Variants in EPB41L3 observed in about 807,000 individuals in gnomAD.
EPB41L3 encodes band 4.1-like protein 3.
In EPB41L3, 57 loss-of-function variants were observed where a neutral mutation model predicts 127.1. The ratio of observed to expected loss-of-function variants is 0.45; its 90% CI spans 0.36 to 0.56. EPB41L3 has a LOEUF of 0.56. Among genes scored for constraint, EPB41L3 ranks in the 20% least tolerant of loss-of-function variants. EPB41L3 has a pLI of 0.00. For missense variants in EPB41L3, 1,273 were observed against 1,372.2 expected (o/e 0.93, Z 1.14); for synonymous variants, 572 against 549.5 (o/e 1.04, Z -0.57).
At chr18:5,425,544 G>A (rs1441735161) in intron 9 of EPB41L3, among the ~76,000 whole-genome samples, 1 of 152,172 alleles carries the variant, frequency 6.6e-6, no homozygotes, top group Non-Finnish European at 1.5e-5. Flanking sequence ...AAGCTGGGAA[G>A]AGTCTCTGCC....
chr18:5,538,302 C>G (rs1179230076), intron 1 of EPB41L3, among the ~76,000 whole-genome samples: 1 of 152,196 alleles, frequency 6.6e-6, no homozygotes, highest in Non-Finnish European at 1.5e-5. Context: ...AAATGTATCA[C>G]TTAAGAGTGC....
intron 1 of EPB41L3, among the ~76,000 whole-genome samples, chr18:5,510,361 T>A (rs2092448854): frequency 6.6e-6 from 1 of 152,122 alleles, no homozygotes; most frequent in Non-Finnish European, 1.5e-5. Flanking sequence ...CAGCTGTAGA[T>A]CCCCAATCTG....
At chr18:5,484,352 A>T (rs1435604564) in intron 2 of EPB41L3, among the ~76,000 whole-genome samples, 2 of 151,722 alleles carry the variant, frequency 1.3e-5, no homozygotes, top group Non-Finnish European at 2.9e-5. Context: ...AGCAGTACTA[A>T]GAGGGAAGTG....
chr18:5,522,322 C>T (rs1048930811), intron 1 of EPB41L3, among the ~76,000 whole-genome samples: 1 of 152,008 alleles, frequency 6.6e-6, no homozygotes, highest in Non-Finnish European at 1.5e-5. Flanking sequence ...TGGAGTTTCA[C>T]CATGCTGGCC....
intron 6 of EPB41L3, among the ~76,000 whole-genome samples, chr18:5,436,477 C>T (rs1235791718): frequency 8.6e-5 from 12 of 139,698 alleles, no homozygotes; most frequent in Middle Eastern, 4.2e-3. Flanking sequence ...GGCGCGATCT[C>T]GGCTCACTGC....
intron 13 of EPB41L3, among the ~76,000 whole-genome samples, chr18:5,415,073 C>G (rs555286489): frequency 2.6e-5 from 4 of 152,338 alleles, no homozygotes; most frequent in East Asian, 1.9e-4. Context: ...ATTGGCATTG[C>G]TAGCATGGTG....
At chr18:5,628,720 C>G (rs538932559) in intron 1 of EPB41L3, among the ~76,000 whole-genome samples, 356 of 152,200 alleles carry the variant, frequency 2.3e-3, no homozygotes, top group African/African-American at 8.3e-3. Context: ...AGGGGGCGGC[C>G]GAACGCGCCG....
At chr18:5,420,560 C>A (rs9962454) in intron 11 of EPB41L3, among the ~76,000 whole-genome samples, 7,291 of 152,224 alleles carry the variant, frequency 0.048, 270 homozygotes, top group African/African-American at 0.1. Flanking sequence ...CCATAATATG[C>A]ATATACATTT....
intron 1 of EPB41L3, among the ~76,000 whole-genome samples, chr18:5,500,857 C>T (rs889545734): frequency 6.6e-6 from 1 of 152,150 alleles, no homozygotes; most frequent in Non-Finnish European, 1.5e-5. Context: ...AGGAGCTGCC[C>T]TGGACATTTT....
chr18:5,493,399 C>T (rs2090820263), intron 1 of EPB41L3, among the ~76,000 whole-genome samples: 1 of 152,092 alleles, frequency 6.6e-6, no homozygotes, highest in South Asian at 2.1e-4. Context: ...TTAACATCAA[C>T]CTTTTTTTCT....
intron 3 of EPB41L3, among the ~76,000 whole-genome samples, chr18:5,556,262 C>T (rs575411866): frequency 1.3e-5 from 2 of 151,384 alleles, no homozygotes; most frequent in Admixed American, 6.5e-5. Context: ...AACAAAAAGA[C>T]AGAAAATCAA....
At chr18:5,570,455 G>T (rs1439454250) in intron 3 of EPB41L3, among the ~76,000 whole-genome samples, 3 of 152,106 alleles carry the variant, frequency 2.0e-5, no homozygotes, top group Non-Finnish European at 4.4e-5. Context: ...AACTAGGCTT[G>T]CAATGGCTGT....
At chr18:5,587,433 C>T (rs1404061783) in intron 3 of EPB41L3, among the ~76,000 whole-genome samples, 2 of 152,098 alleles carry the variant, frequency 1.3e-5, no homozygotes, top group Non-Finnish European at 2.9e-5. Context: ...CTCTTAATCT[C>T]TTACTGTGCC....
chr18:5,465,972 C>CAAA (rs11448406), intron 3 of EPB41L3, among the ~76,000 whole-genome samples: 2 of 140,502 alleles, frequency 1.4e-5, no homozygotes, highest in East Asian at 2.1e-4. Flanking sequence ...CCACCACCAA[C>CAAA]AAAAAAAAAA....
rs757498546 is a variant in EPB41L3, at chr18:5,397,115, C to T, written c.2784G>A (p.Glu928=). The change falls in exon 18 of 23, where the codon GAG becomes GAA. Residue 928 remains glutamate, a synonymous_variant. Transcript: ENST00000341928. This position sits in a 1 kb window ranked among gnomAD's most constrained non-coding sequence, Gnocchi z 4.1. The stretch of plus-strand genomic sequence containing the variant: ...AAATGTGGATGGCTGCACTCTGCTC[C>T]TCTTGTCGCTCACGGGAAGCAGCGG... The part of the protein sequence containing the change: ...ETAAASRERQ[E]EQSAAIHISE... 1.9e-6 allele frequency: 3 copies of T among 1,614,070 alleles called. No individual in the cohort carries two copies. In the Admixed American group the frequency reaches 5.0e-5, roughly 27 times the overall value.
At chr18:5,420,232 C>T (rs1225543983) in intron 11 of EPB41L3, 3 of 328,672 alleles carry the variant, frequency 9.1e-6, no homozygotes, top group South Asian at 3.2e-5. Flanking sequence ...GCGAGGCTGC[C>T]GCTGGGCATA....
intron 3 of EPB41L3, among the ~76,000 whole-genome samples, chr18:5,554,604 T>C (rs929965701): frequency 6.6e-6 from 1 of 152,178 alleles, no homozygotes; most frequent in Non-Finnish European, 1.5e-5. Context: ...CATTCCTTAC[T>C]CCTGAGCCAA....
At chr18:5,562,014 G>A (rs1018622837) in intron 3 of EPB41L3, among the ~76,000 whole-genome samples, 8 of 152,162 alleles carry the variant, frequency 5.3e-5, no homozygotes, top group African/African-American at 1.2e-4. Flanking sequence ...CTGAAGAACC[G>A]CCATGGATGG....
chr18:5,515,043 A>C (rs1165782339), intron 1 of EPB41L3, among the ~76,000 whole-genome samples: 2 of 152,226 alleles, frequency 1.3e-5, no homozygotes, highest in African/African-American at 4.8e-5. Context: ...TACTAACAGT[A>C]AGTGGGGTGC....
Sources: gnomAD v4.1 joint callset for allele counts (sites outside exome capture counted in the v4.1 genomes callset) on GRCh38, gnomAD v4.1.1 for gene constraint, Gnocchi (gnomAD v3.1) non-coding constraint, MANE v1.5 for transcripts, NCBI Gene and HGNC (gene_info 2026-07-23, HGNC 2026-07-21) for gene names.